The following PCDHGA2 variants were observed in gnomAD, a reference collection of about 807,000 sequenced individuals.
PCDHGA2 encodes protocadherin gamma subfamily A, 2.
Under a neutral mutation model 59.2 loss-of-function variants are expected in PCDHGA2, and 40 were observed. That is an observed-to-expected ratio of 0.68 (90% confidence interval 0.52 to 0.88). The LOEUF is 0.88. Among genes scored for constraint, PCDHGA2 ranks in the 40% least tolerant of loss-of-function variants. The pLI, the probability that PCDHGA2 is intolerant of heterozygous loss-of-function variation, is 0.00. For synonymous variants in PCDHGA2, 560 were observed against 526.0 expected, an observed-to-expected ratio of 1.06 and a Z score of -0.89; for missense variants, 1,226 against 1,204.0, an observed-to-expected ratio of 1.02 and a Z score of -0.27.
chr5:141,408,869 AG>A, intron 1 of PCDHGA2: 1 of 1,613,690 alleles, frequency 6.2e-7, no homozygotes, highest in Non-Finnish European at 8.5e-7. Context: ...CCCACCAAGA[AG>A]TGCCACCGCT....
In PCDHGA2 at chr5:141,432,854, G is replaced by A. The variant is rs769962088; in HGVS notation, c.2425-61953G>A. 1 of 1,614,192 alleles carries A rather than the reference G, an allele frequency of 6.2e-7. No homozygotes were observed. On this transcript the variant is annotated intron_variant, in intron 1 of 3. Transcript: ENST00000394576. The surrounding 1 kb of genome is among the most constrained non-coding windows in gnomAD (Gnocchi z 6.0). ...TCTGTACCTGGTGGTAGCGGTGGCC[G>A]CGGTCTCCTGCGTCTTCCTGGCCTT...
intron 1 of PCDHGA2, chr5:141,414,697 T>C (rs748722995): frequency 6.2e-7 from 1 of 1,614,036 alleles, no homozygotes; most frequent in Non-Finnish European, 8.5e-7. Flanking sequence ...TCTGTCCTCA[T>C]ACATATCCAT....
Position 141,340,320 on chromosome 5 carries a change from C to T in PCDHGA2, c.1349C>T (p.Pro450Leu), listed in dbSNP as rs1314328695. Residue 450 changes from proline to leucine, a missense_variant, in exon 1 of 4, where the codon CCC becomes CTC. Coordinates refer to ENST00000394576, the MANE Select transcript of PCDHGA2 (RefSeq NM_018915.4). ...LQVADINDNA[P>L]AFSRTSYSTY... The stretch of plus-strand genomic sequence containing the variant: ...GTGGCAGACATCAACGACAACGCAC[C>T]CGCCTTCTCCCGCACATCCTACTCC... 6.2e-7 allele frequency: 1 copy of T among 1,614,014 alleles called. No homozygotes were observed. Among genetic ancestry groups the T allele is most frequent in the Non-Finnish European group, 8.5e-7 (1 of 1,180,046 alleles).
At chr5:141,364,275 A>G in intron 1 of PCDHGA2, 2 of 1,515,456 alleles carry the variant, frequency 1.3e-6, no homozygotes, top group South Asian at 2.7e-5. Flanking sequence ...CTTTAGATAA[A>G]TAAGGAAACA....
chr5:141,374,492 G>T (rs770971184), intron 1 of PCDHGA2: 1 of 1,611,364 alleles, frequency 6.2e-7, no homozygotes, highest in Non-Finnish European at 8.5e-7. Flanking sequence ...CTTAAAGGAA[G>T]AATTGGAAGT....
chr5:141,352,154 G>A (rs770780067), intron 1 of PCDHGA2: 4 of 1,612,750 alleles, frequency 2.5e-6, no homozygotes, highest in Non-Finnish European at 3.4e-6. Flanking sequence ...GGGCGACAGG[G>A]ACGCGGCCCG....
chr5:141,478,685 A>G, intron 1 of PCDHGA2: 3 of 1,551,308 alleles, frequency 1.9e-6, no homozygotes, highest in Non-Finnish European at 2.6e-6. Context: ...GGCCCTTCCT[A>G]GATCAAAGTT....
At chr5:141,355,190 G>A in intron 1 of PCDHGA2, 4 of 1,591,790 alleles carry the variant, frequency 2.5e-6, no homozygotes, top group East Asian at 2.2e-5. Context: ...CGACTCCGCG[G>A]CGGGGTTGTA....
intron 2 of PCDHGA2, among the ~76,000 whole-genome samples, chr5:141,500,431 G>A (rs1340129330): frequency 6.6e-6 from 1 of 151,476 alleles, no homozygotes; most frequent in Non-Finnish European, 1.5e-5. Flanking sequence ...GGATGGTCTC[G>A]ATCTCCTGAC....
At chr5:141,351,413 G>A (rs757619719) in intron 1 of PCDHGA2, 2 of 1,611,540 alleles carry the variant, frequency 1.2e-6, no homozygotes, top group Non-Finnish European at 1.7e-6. Flanking sequence ...TACTCAGGAA[G>A]AAGTTCCTTT....
At chr5:141,379,666 A>C (rs1254771519) in intron 1 of PCDHGA2, 1 of 152,160 alleles carries the variant, frequency 6.6e-6, no homozygotes, top group East Asian at 1.9e-4. Context: ...CTCTCACAAA[A>C]GTCATTCACT....
chr5:141,342,695 T>G (rs1379152551), intron 1 of PCDHGA2: 1 of 152,214 alleles, frequency 6.6e-6, no homozygotes, highest in Non-Finnish European at 1.5e-5. Context: ...CAAAGTTATT[T>G]TTAGTGTGTG....
intron 1 of PCDHGA2, chr5:141,478,104 CTG>C: frequency 6.2e-7 from 1 of 1,614,118 alleles, no homozygotes; most frequent in Middle Eastern, 1.6e-4. Context: ...GCTACCCTCA[CTG>C]TGTCAGTAAC....
At chr5:141,482,761 ATT>A (rs2099571906) in intron 1 of PCDHGA2, among the ~76,000 whole-genome samples, 1 of 127,370 alleles carries the variant, frequency 7.9e-6, no homozygotes, top group Admixed American at 7.7e-5. Flanking sequence ...ATGGTATTTC[ATT>A]ATCACTGAAC....
chr5:141,346,408 T>G, intron 1 of PCDHGA2: 1 of 1,614,280 alleles, frequency 6.2e-7, no homozygotes, highest in Non-Finnish European at 8.5e-7. Flanking sequence ...GAGCCTCTTC[T>G]GATAACTCAG....
chr5:141,429,073 C>CTCGATT (rs1202357717), intron 1 of PCDHGA2: 1 of 152,116 alleles, frequency 6.6e-6, no homozygotes, highest in African/African-American at 2.4e-5. Context: ...CCAGGATGGT[C>CTCGATT]TCGATTTCCT....
At position 141,338,871 on chromosome 5, in the gene PCDHGA2, G is replaced by A; in HGVS notation, c.-101G>A. 1 of 1,447,104 alleles carries A rather than the reference G, an allele frequency of 6.9e-7. No individual in the cohort carries two copies. The highest frequency in any genetic ancestry group is 9.1e-7 in the Non-Finnish European group (1 of 1,101,404). The allele number at this position is 1,447,104 out of a possible 1,614,324, so 89.6% of individuals were successfully genotyped here. A position where few individuals can be genotyped will look rare whatever the true frequency, so the allele number is the denominator to read the frequency against. Reference sequence around the variant, plus strand: ...CCACCAGTTCTCTCCATAGGGACCTGGGTCCCGTGAATGCTGGTTATCTCA... The same window carrying A: ...CCACCAGTTCTCTCCATAGGGACCTAGGTCCCGTGAATGCTGGTTATCTCA... On this transcript the variant is annotated 5_prime_UTR_variant, in exon 1 of 4. Coordinates refer to ENST00000394576, the MANE Select transcript of PCDHGA2 (RefSeq NM_018915.4).
intron 2 of PCDHGA2, among the ~76,000 whole-genome samples, chr5:141,497,023 G>A (rs1271608156): frequency 1.3e-5 from 2 of 151,912 alleles, no homozygotes; most frequent in Non-Finnish European, 2.9e-5. Flanking sequence ...ACCCCATCTC[G>A]ATTAAAAATA....
intron 1 of PCDHGA2, among the ~76,000 whole-genome samples, chr5:141,439,251 A>G (rs1467023466): frequency 6.6e-6 from 1 of 152,112 alleles, no homozygotes; most frequent in Non-Finnish European, 1.5e-5. Context: ...ATTTCAGCTG[A>G]AGATTCAGCC....
Sources: gnomAD v4.1 joint callset for allele counts (sites outside exome capture counted in the v4.1 genomes callset) on GRCh38, gnomAD v4.1.1 for gene constraint, Gnocchi (gnomAD v3.1) non-coding constraint, MANE v1.5 for transcripts, NCBI Gene and HGNC (gene_info 2026-07-23, HGNC 2026-07-21) for gene names.